Variants in CLNK observed in about 807,000 individuals in gnomAD.
The protein encoded by CLNK is cytokine dependent hematopoietic cell linker, also known as cytokine-dependent hematopoietic cell linker.
In CLNK, 74 loss-of-function variants were observed where a neutral mutation model predicts 68.6. The ratio of observed to expected loss-of-function variants is 1.08; its 90% CI spans 0.89 to 1.31. CLNK has a LOEUF of 1.31. CLNK is among the 50% of genes most tolerant of loss of function. The pLI, the probability that CLNK is intolerant of heterozygous loss-of-function variation, is 0.00. For synonymous variants in CLNK, 198 were observed against 172.2 expected (o/e 1.15, Z -1.17); for missense variants, 553 against 515.3 (o/e 1.07, Z -0.71).
At chr4:10,680,896 G>A (rs966717261) in intron 1 of CLNK, among the ~76,000 whole-genome samples, 2 of 152,114 alleles carry the variant, frequency 1.3e-5, no homozygotes, top group Admixed American at 1.3e-4. Context: ...GTTTGGGATG[G>A]GGACTGTGTG....
intron 17 of CLNK, among the ~76,000 whole-genome samples, chr4:10,506,028 T>C (rs1055143762): frequency 2.0e-5 from 3 of 152,222 alleles, no homozygotes; most frequent in Non-Finnish European, 2.9e-5. Flanking sequence ...ACAGTGACCA[T>C]TGTACTGGTT....
intron 1 of CLNK, among the ~76,000 whole-genome samples, chr4:10,669,815 G>A (rs1184375799): frequency 6.6e-6 from 1 of 152,162 alleles, no homozygotes; most frequent in Non-Finnish European, 1.5e-5. Context: ...AGGGGAGGCG[G>A]CTGTTAGGCT....
chr4:10,702,734 T>C, the CLNK span, among the ~76,000 whole-genome samples: 1 of 152,202 alleles, frequency 6.6e-6, no homozygotes, highest in African/African-American at 2.4e-5. Context: ...TACTCCTAAG[T>C]TGTAGAAGTT....
At chr4:10,598,813 T>C (rs952578609) in intron 2 of CLNK, 1 of 287,258 alleles carries the variant, frequency 3.5e-6, no homozygotes, top group Non-Finnish European at 7.2e-6. Flanking sequence ...GTGATTTTTT[T>C]CCTCCACAAA....
At chr4:10,656,469 G>A (rs11723949) in intron 2 of CLNK, 9 of 151,712 alleles carry the variant, frequency 5.9e-5, no homozygotes, top group African/African-American at 2.2e-4. Flanking sequence ...ACAGATTAAA[G>A]CTATACTATA....
intron 1 of CLNK, among the ~76,000 whole-genome samples, chr4:10,674,774 T>C (rs1724804646): frequency 6.6e-6 from 1 of 152,332 alleles, no homozygotes; most frequent in Non-Finnish European, 1.5e-5. Context: ...CATTAAGTAA[T>C]TTGTGGTTTG....
At chr4:10,680,169 A>T (rs1725040021) in intron 1 of CLNK, among the ~76,000 whole-genome samples, 1 of 152,140 alleles carries the variant, frequency 6.6e-6, no homozygotes, top group African/African-American at 2.4e-5. Context: ...GATATACATC[A>T]TGGAATACTA....
chr4:10,693,688 C>G, the CLNK span, among the ~76,000 whole-genome samples: 10 of 152,192 alleles, frequency 6.6e-5, no homozygotes, highest in African/African-American at 2.4e-4. Flanking sequence ...TGATACAGAG[C>G]CATACATTTA....
At chr4:10,733,284 C>T in the CLNK span, among the ~76,000 whole-genome samples, 1 of 152,120 alleles carries the variant, frequency 6.6e-6, no homozygotes, top group Non-Finnish European at 1.5e-5. Context: ...TCACCAAACT[C>T]TTCAAGTCAC....
chr4:10,508,141 G>A, intron 16 of CLNK, 105 bp from the exon 17 acceptor site: 1 of 803,062 alleles, frequency 1.2e-6, no homozygotes, highest in South Asian at 1.7e-5. Context: ...CCTAATCATA[G>A]TGTAATCTGT....
intron 3 of CLNK, among the ~76,000 whole-genome samples, chr4:10,590,799 T>C (rs1721154908): frequency 6.6e-6 from 1 of 152,176 alleles, no homozygotes; most frequent in African/African-American, 2.4e-5. Context: ...TAGTTGAACG[T>C]CTGCACTGCA....
intron 1 of CLNK, among the ~76,000 whole-genome samples, chr4:10,678,753 T>C (rs28720725): frequency 0.35 from 52,496 of 151,872 alleles, 9,220 homozygotes; most frequent in East Asian, 0.46. Flanking sequence ...GAGAGCCAAA[T>C]CATGAGTGAA....
At chr4:10,533,647 T>C (rs1718636918) in intron 11 of CLNK, among the ~76,000 whole-genome samples, 2 of 152,204 alleles carry the variant, frequency 1.3e-5, no homozygotes, top group Non-Finnish European at 2.9e-5. Flanking sequence ...ACAAAAGAGA[T>C]CTGAATAGAG....
chr4:10,520,668 GC>G, intron 15 of CLNK, 122 bp downstream of exon 15: 6 of 649,208 alleles, frequency 9.2e-6, no homozygotes, highest in Non-Finnish European at 1.7e-5. Context: ...ATGGAAATGA[GC>G]TAATTACATC....
At chr4:10,686,410 T>C (rs1725273507), upstream of CLNK, among the ~76,000 whole-genome samples, 2 of 151,994 alleles carry the variant, frequency 1.3e-5, no homozygotes, top group Admixed American at 6.6e-5. Flanking sequence ...ATCTGGTCTG[T>C]GCTAGTGGGT....
At chr4:10,600,143 G>A (rs901276297) in intron 2 of CLNK, among the ~76,000 whole-genome samples, 6 of 152,076 alleles carry the variant, frequency 3.9e-5, no homozygotes, top group South Asian at 2.1e-4. Context: ...CTCTGGGCCC[G>A]ACCTTTTTTT....
intron 13 of CLNK, among the ~76,000 whole-genome samples, chr4:10,526,275 A>G (rs1450070069): frequency 1.3e-4 from 20 of 152,202 alleles, no homozygotes. Flanking sequence ...CATTTATATC[A>G]TTCGACAAAC....
chr4:10,642,416 A>G (rs1434322983), intron 2 of CLNK, among the ~76,000 whole-genome samples: 3 of 152,196 alleles, frequency 2.0e-5, no homozygotes, highest in Non-Finnish European at 2.9e-5. Context: ...GAGAATAAGG[A>G]ACATTTTTTT....
intron 2 of CLNK, among the ~76,000 whole-genome samples, chr4:10,631,097 G>C (rs1038487081): frequency 6.7e-6 from 1 of 148,718 alleles, no homozygotes; most frequent in African/African-American, 2.4e-5. Flanking sequence ...CTTAAAGAAA[G>C]CTTCTCTTTT....
Sources: allele counts gnomAD v4.1 joint callset (sites outside exome capture counted in the v4.1 genomes callset), GRCh38; gene constraint gnomAD v4.1.1; transcripts MANE v1.5; gene names NCBI Gene and HGNC (gene_info 2026-07-23, HGNC 2026-07-21).